The following RNF216 variants were observed in gnomAD, a reference collection of about 807,000 sequenced individuals.
The protein encoded by RNF216 is ring finger protein 216.
A neutral mutation model predicts 110.8 loss-of-function variants in RNF216; 72 were observed. That is an observed-to-expected ratio of 0.65 (90% CI 0.54 to 0.79). The LOEUF is 0.79. RNF216 is among the 30% of genes least tolerant of loss of function. The probability of loss-of-function intolerance (pLI) is 0.00; values close to 1 mark genes in which losing one functional copy is unlikely to be tolerated. For missense variants in RNF216, 1,342 were observed against 1,141.2 expected (o/e 1.18, Z -2.54); for synonymous variants, 495 against 407.5 (o/e 1.21, Z -2.59).
At chr7:5,684,094 CTTTTTTTTTTTTTTTT>C (rs10608511) in intron 13 of RNF216, among the ~76,000 whole-genome samples, 2 of 61,836 alleles carry the variant, frequency 3.2e-5, no homozygotes, top group South Asian at 7.1e-4. Flanking sequence ...GCTGGGCCTT[CTTTTTTTTTTTTTTTT>C]TTTTTTTTTT....
chr7:5,645,379 C>T (rs1218883228), intron 14 of RNF216, among the ~76,000 whole-genome samples: 2 of 152,146 alleles, frequency 1.3e-5, no homozygotes, highest in East Asian at 1.9e-4. Context: ...AATATTGGTA[C>T]ATCAGATGAT....
chr7:5,640,388 T>C (rs924359127), intron 15 of RNF216, among the ~76,000 whole-genome samples: 3 of 152,162 alleles, frequency 2.0e-5, no homozygotes, highest in African/African-American at 7.2e-5. Flanking sequence ...CTGGGAAACA[T>C]AGCCCCTACA....
In RNF216 at chr7:5,709,390, C is replaced by A. The variant is rs562298204; in HGVS notation, c.2061+2371G>T. On this transcript the variant is annotated intron_variant, in intron 13 of 16. Coordinates refer to ENST00000389902, the MANE Select transcript of RNF216 (RefSeq NM_207111.4). ...GTCACAAATTCCCCAGCCTTTGATG[C>A]AACTGGTTTCTGGATTTCTCACAGA... Among the ~76,000 whole-genome samples the A allele has an allele frequency of 3.8e-4, 58 of 152,298 alleles. 1 individual carries two copies. The South Asian group carries it at 7.9e-3, about 21-fold the overall frequency.
At chr7:5,695,499 G>A (rs1791570212) in intron 13 of RNF216, among the ~76,000 whole-genome samples, 1 of 152,180 alleles carries the variant, frequency 6.6e-6, no homozygotes, top group African/African-American at 2.4e-5. Flanking sequence ...GCACGGTTGC[G>A]CCTACTGCTG....
At chr7:5,660,403 C>T (rs577080987) in intron 13 of RNF216, among the ~76,000 whole-genome samples, 117 of 146,738 alleles carry the variant, frequency 8.0e-4, no homozygotes, top group African/African-American at 2.6e-3. Context: ...GTGATTCTCC[C>T]ACCTCAGCCT....
intron 15 of RNF216, among the ~76,000 whole-genome samples, chr7:5,628,775 G>T (rs1786878482): frequency 6.6e-6 from 1 of 151,792 alleles, no homozygotes; most frequent in Admixed American, 6.6e-5. Context: ...CCCAACCTTG[G>T]TCTCCCCAAA....
chr7:5,632,607 T>C (rs1001240101), intron 15 of RNF216, among the ~76,000 whole-genome samples: 4 of 152,060 alleles, frequency 2.6e-5, no homozygotes, highest in African/African-American at 9.7e-5. Flanking sequence ...CGAAACCCCA[T>C]CTCTACTAAA....
chr7:5,706,901 T>C (rs1792325740), intron 13 of RNF216, among the ~76,000 whole-genome samples: 1 of 152,222 alleles, frequency 6.6e-6, no homozygotes, highest in Non-Finnish European at 1.5e-5. Flanking sequence ...TAGTTTCAGG[T>C]CTTACACTTA....
intron 15 of RNF216, among the ~76,000 whole-genome samples, chr7:5,639,633 A>G (rs969093882): frequency 1.3e-5 from 2 of 150,172 alleles, no homozygotes; most frequent in Non-Finnish European, 3.0e-5. Flanking sequence ...GCTAATATTT[A>G]TATTTTTATT....
chr7:5,705,998 A>T (rs1056506931), intron 13 of RNF216, among the ~76,000 whole-genome samples: 1 of 151,844 alleles, frequency 6.6e-6, no homozygotes, highest in African/African-American at 2.4e-5. Context: ...CAGGTGGAGG[A>T]TTACGAGGTC....
At chr7:5,664,035 T>G (rs1051600385) in intron 13 of RNF216, among the ~76,000 whole-genome samples, 3 of 152,202 alleles carry the variant, frequency 2.0e-5, no homozygotes, top group African/African-American at 7.2e-5. Context: ...TCAACCACCG[T>G]ACATCTCAGG....
chr7:5,641,678 C>T (rs369608894), intron 14 of RNF216, among the ~76,000 whole-genome samples: 1 of 152,184 alleles, frequency 6.6e-6, no homozygotes, highest in African/African-American at 2.4e-5. Flanking sequence ...TGGCATAGTG[C>T]CCAGTACTCA....
In RNF216 at chr7:5,732,228, A is replaced by C. The variant is rs139332013; in HGVS notation, c.1122-1411T>G. 3.9e-3 allele frequency among the ~76,000 whole-genome samples: 597 copies of C among 152,286 alleles called. 3 individuals carry two copies. Among genetic ancestry groups the C allele is most frequent in the African/African-American group, 0.014 (561 of 41,542 alleles). ...CACTGGTGTGCACTGAGGTTATGCA[A>C]ACCTTTGAAGGCTGACCTGAGAATT... On this transcript the variant is annotated intron_variant, in intron 5 of 16. Transcript: ENST00000389902.
Position 5,730,875 on chromosome 7 carries a change from G to A in RNF216, c.1122-58C>T. The A allele has an allele frequency of 1.9e-6, 3 of 1,577,488 alleles. No individual in the cohort carries two copies. In the South Asian group the frequency reaches 3.4e-5, roughly 18 times the overall value. On this transcript the variant is annotated intron_variant, in intron 5 of 16. Transcript: ENST00000389902. The stretch of plus-strand genomic sequence containing the variant: ...CTTCCAAATCCCACACCTGCCCATT[G>A]CTTCAAATGCAATGGTTGAAGAATA...
Position 5,622,944 on chromosome 7 carries a change from G to A in RNF216, c.2688C>T (p.Val896=), listed in dbSNP as rs1786469607. The A allele has an allele frequency of 6.2e-7, 1 of 1,613,982 alleles. No homozygotes were observed. The highest frequency in any genetic ancestry group is 1.1e-5 in the South Asian group (1 of 91,080). Residue 896 remains valine (V), a synonymous_variant, in exon 17 of 17, where the codon GTC becomes GTT. Transcript: ENST00000389902. ...PYVPPLPNVR[V]NYDFGPIHMP... Reference sequence around the variant, plus strand: ...TGTGGATGGGACCGAAGTCATAGTTGACCCGCACGTTGGGCAGAGGGGGCA... The same window carrying A: ...TGTGGATGGGACCGAAGTCATAGTTAACCCGCACGTTGGGCAGAGGGGGCA...
chr7:5,630,085 G>A (rs374248715), intron 15 of RNF216, among the ~76,000 whole-genome samples: 3 of 152,056 alleles, frequency 2.0e-5, no homozygotes, highest in East Asian at 3.9e-4. Flanking sequence ...GGGAAAAATA[G>A]AAGGAAAGAG....
chr7:5,716,676 T>A, intron 10 of RNF216, 40 bp downstream of exon 10: 2 of 1,528,260 alleles, frequency 1.3e-6, no homozygotes, highest in Non-Finnish European at 1.8e-6. Context: ...AAACAGCCCA[T>A]GAAAATGCCC....
intron 3 of RNF216, among the ~76,000 whole-genome samples, chr7:5,743,750 G>A (rs941644405): frequency 2.1e-4 from 32 of 152,188 alleles, no homozygotes; most frequent in African/African-American, 7.7e-4. Flanking sequence ...GTCCCTAGAA[G>A]AAAGGAGATG....
At chr7:5,705,734 C>A (rs1792236090) in intron 13 of RNF216, among the ~76,000 whole-genome samples, 1 of 152,078 alleles carries the variant, frequency 6.6e-6, no homozygotes, top group Non-Finnish European at 1.5e-5. Context: ...CATGGAGAAA[C>A]CCCGCCTCTA....
Sources: gnomAD v4.1 joint callset for allele counts (sites outside exome capture counted in the v4.1 genomes callset) on GRCh38, gnomAD v4.1.1 for gene constraint, MANE v1.5 for transcripts, NCBI Gene and HGNC (gene_info 2026-07-23, HGNC 2026-07-21) for gene names.